Variants in BRWD1 observed in about 807,000 individuals in gnomAD.
The protein encoded by BRWD1 is bromodomain and WD repeat domain containing 1.
A neutral mutation model predicts 251.2 loss-of-function variants in BRWD1; 82 were observed. That is an observed-to-expected ratio of 0.33 (90% CI 0.27 to 0.39). The LOEUF (loss-of-function observed/expected upper bound fraction) is 0.39, where lower values mean the gene tolerates loss of function less well. BRWD1 is among the 10% of genes least tolerant of loss of function. The pLI is 1.00. For synonymous variants in BRWD1, 918 were observed against 902.8 expected, an observed-to-expected ratio of 1.02 and a Z score of -0.30; for missense variants, 2,233 against 2,711.6, an observed-to-expected ratio of 0.82 and a Z score of 3.92.
chr21:39,305,259 G>A (rs1167634097), intron 4 of BRWD1, among the ~76,000 whole-genome samples: 4 of 152,064 alleles, frequency 2.6e-5, no homozygotes, highest in South Asian at 2.1e-4. Flanking sequence ...ACATCTGGCC[G>A]TAGTTGGAGA....
intron 15 of BRWD1, among the ~76,000 whole-genome samples, 185 bp downstream of exon 15, chr21:39,269,714 A>T (rs923215707): frequency 1.9e-4 from 29 of 152,322 alleles, no homozygotes; most frequent in African/African-American, 6.7e-4. Flanking sequence ...TAAATCAGTC[A>T]TACAGAGAAT....
At chr21:39,292,739 A>AC (rs397963804) in intron 8 of BRWD1, among the ~76,000 whole-genome samples, 1 of 151,858 alleles carries the variant, frequency 6.6e-6, no homozygotes, top group African/African-American at 2.4e-5. Context: ...CAACGAAGAA[A>AC]CTGCAAGCGA....
In BRWD1 at chr21:39,195,746, A is replaced by G; in HGVS notation, c.*513T>C. 1.0e-6 allele frequency: 1 copy of G among 985,134 alleles called. No individual in the cohort carries two copies. Among genetic ancestry groups the G allele is most frequent in the Non-Finnish European group, 1.2e-6 (1 of 829,398 alleles). 61.0% of individuals were successfully genotyped at this position (985,134 alleles called of 1,614,324 possible). A position where few individuals can be genotyped will look rare whatever the true frequency, so the allele number is the denominator to read the frequency against. ...CTACTCAAGTAGCCAGGGGAAGAAA[A>G]AAAAAAAAGTGGTAGGTACCTCGCC... On this transcript the variant is annotated 3_prime_UTR_variant, in exon 41 of 41. Coordinates refer to ENST00000342449, the MANE Select transcript of BRWD1 (RefSeq NM_033656.4).
intron 4 of BRWD1, 76 bp from the exon 5 acceptor site, chr21:39,298,658 C>T (rs1413829257): frequency 3.5e-5 from 43 of 1,232,820 alleles, no homozygotes; most frequent in Non-Finnish European, 1.6e-5. Context: ...ATAAGTCTGG[C>T]AAAATGTGAA....
rs548207649 is a variant in BRWD1 at position 39,303,728 on chromosome 21, T to G, written c.199-5146A>C. On this transcript the variant is annotated intron_variant, in intron 4 of 40. Coordinates refer to ENST00000342449, the MANE Select transcript of BRWD1 (RefSeq NM_033656.4). Reference sequence around the variant, plus strand: ...GTTCCAGCTACTCAGGAGACTAAGGTTGGAAGACGGCTTGAGCCCAGGAGG... The same window carrying G: ...GTTCCAGCTACTCAGGAGACTAAGGGTGGAAGACGGCTTGAGCCCAGGAGG... Among the ~76,000 whole-genome samples the G allele has an allele frequency of 6.1e-5, 9 of 147,820 alleles. No individual in the cohort carries two copies. In the East Asian group the frequency reaches 1.8e-3, roughly 30 times the overall value.
chr21:39,282,358 T>C (rs1035737052), intron 8 of BRWD1, among the ~76,000 whole-genome samples: 2 of 152,180 alleles, frequency 1.3e-5, no homozygotes, highest in Non-Finnish European at 2.9e-5. Context: ...TTATGGATTT[T>C]TTTTAATGTT....
chr21:39,287,004 T>C (rs967603630), intron 8 of BRWD1, among the ~76,000 whole-genome samples: 1 of 152,178 alleles, frequency 6.6e-6, no homozygotes, highest in African/African-American at 2.4e-5. Flanking sequence ...CTTCCTGATG[T>C]AGATATCACA....
At chr21:39,256,513 G>A (rs928455421) in intron 18 of BRWD1, among the ~76,000 whole-genome samples, 1 of 152,188 alleles carries the variant, frequency 6.6e-6, no homozygotes, top group Non-Finnish European at 1.5e-5. Flanking sequence ...TGGGTGATGA[G>A]GCAATGAAGA....
At chr21:39,250,915 T>A (rs749722386) in intron 19 of BRWD1, 26 bp from the exon 20 acceptor site, 4 of 1,393,770 alleles carry the variant, frequency 2.9e-6, no homozygotes, top group Middle Eastern at 3.6e-4. Flanking sequence ...CCCAGTTATA[T>A]TAACTACTGA....
chr21:39,280,382 C>T, intron 8 of BRWD1, 134 bp from the exon 9 acceptor site: 1 of 651,396 alleles, frequency 1.5e-6, no homozygotes, highest in East Asian at 2.9e-5. Context: ...GGTAATACTA[C>T]CGTAGTGAAA....
chr21:39,297,222 A>G (rs2035984851), intron 5 of BRWD1: 1 of 985,368 alleles, frequency 1.0e-6, no homozygotes, highest in Admixed American at 6.1e-5. Flanking sequence ...TCAAAGAAGA[A>G]AGGGAAGGCA....
chr21:39,277,993 G>A (rs1361445008), intron 10 of BRWD1, among the ~76,000 whole-genome samples: 2 of 151,864 alleles, frequency 1.3e-5, no homozygotes, highest in African/African-American at 2.4e-5. Flanking sequence ...GACTACAGGT[G>A]TGCACCATGC....
intron 16 of BRWD1, 31 bp from the exon 17 acceptor site, chr21:39,264,716 T>G (rs2034865753): frequency 3.9e-6 from 6 of 1,543,212 alleles, no homozygotes; most frequent in Non-Finnish European, 5.3e-6. Flanking sequence ...GGATGACATT[T>G]TAAGGTTCAC....
intron 8 of BRWD1, among the ~76,000 whole-genome samples, chr21:39,291,656 A>G (rs148859640): frequency 3.0e-4 from 46 of 152,326 alleles, no homozygotes; most frequent in African/African-American, 1.0e-3. Flanking sequence ...ATATGTGCAC[A>G]AGGCCAGGAG....
In BRWD1 at chr21:39,190,131, T is replaced by C; in HGVS notation, c.*6128A>G. ...CAGATATGTGTGTATTCTAAGATGG[T>C]ATATGTGGTGAATAGAAACCTGGAT... On this transcript the variant is annotated 3_prime_UTR_variant, in exon 41 of 41. Transcript: ENST00000342449. 1 of 985,122 alleles carries C rather than the reference T, an allele frequency of 1.0e-6. No individual in the cohort carries two copies. The highest frequency in any genetic ancestry group is 1.2e-6 in the Non-Finnish European group (1 of 829,656). The allele number at this position is 985,122 out of a possible 1,614,324, so 61.0% of individuals were successfully genotyped here.
At chr21:39,246,737 T>C (rs2034202814) in intron 21 of BRWD1, among the ~76,000 whole-genome samples, 2 of 152,134 alleles carry the variant, frequency 1.3e-5, no homozygotes, top group South Asian at 4.1e-4. Context: ...ATACTAATCA[T>C]TAGAGAAAAC....
chr21:39,193,976 T>C lies in BRWD1; in HGVS notation c.*2283A>G. ...TCCATTATCTCTCAGTTTTATTTCATAACTTGAGAAGCTACCATTGTCGGC... is the reference window on the plus strand; with the variant it reads ...TCCATTATCTCTCAGTTTTATTTCACAACTTGAGAAGCTACCATTGTCGGC... On this transcript the variant is annotated 3_prime_UTR_variant, in exon 41 of 41. Coordinates refer to ENST00000342449, the MANE Select transcript of BRWD1 (RefSeq NM_033656.4). 1.0e-6 allele frequency: 1 copy of C among 985,626 alleles called. No individual in the cohort carries two copies. Among genetic ancestry groups the C allele is most frequent in the Non-Finnish European group, 1.2e-6 (1 of 829,734 alleles). The allele number at this position is 985,626 out of a possible 1,614,324, so 61.1% of individuals were successfully genotyped here.
upstream of BRWD1, chr21:39,314,185 G>A (rs1465041024): frequency 1.8e-5 from 8 of 455,862 alleles, 1 homozygote; most frequent in East Asian, 1.4e-4. Context: ...GGCTCGCCGC[G>A]CCTCCCGCAG....
chr21:39,297,026 G>T, intron 5 of BRWD1: 1 of 985,322 alleles, frequency 1.0e-6, no homozygotes, highest in Non-Finnish European at 1.2e-6. Flanking sequence ...TAGGATCACA[G>T]AAAATCCTCT....
Sources: allele counts gnomAD v4.1 joint callset (sites outside exome capture counted in the v4.1 genomes callset), GRCh38; gene constraint gnomAD v4.1.1; transcripts MANE v1.5; gene names NCBI Gene and HGNC (gene_info 2026-07-23, HGNC 2026-07-21).